The following SNTG1 variants were observed in gnomAD, a reference collection of about 807,000 sequenced individuals.
SNTG1 encodes gamma-1-syntrophin.
SNTG1 carries 39 observed loss-of-function variants against 74.7 expected under a neutral mutation model. The ratio of observed to expected loss-of-function variants is 0.52; its 90% CI spans 0.40 to 0.68. The LOEUF (loss-of-function observed/expected upper bound fraction) is 0.68, where lower values mean the gene tolerates loss of function less well. Ranked by LOEUF, SNTG1 falls within the 30% of genes least tolerant of loss-of-function variation. The probability of loss-of-function intolerance (pLI) is 0.00; values close to 1 mark genes in which losing one functional copy is unlikely to be tolerated. For missense variants in SNTG1, 685 were observed against 609.5 expected (o/e 1.12, Z -1.30); for synonymous variants, 254 against 217.1 (o/e 1.17, Z -1.49).
At chr8:50,219,973 T>A (rs770166735) in intron 2 of SNTG1, among the ~76,000 whole-genome samples, 30 of 152,068 alleles carry the variant, frequency 2.0e-4, no homozygotes, top group African/African-American at 2.4e-5. Context: ...GGGAGAACAA[T>A]CCTAAACTTA....
intron 1 of SNTG1, among the ~76,000 whole-genome samples, chr8:50,031,298 T>A (rs1817722369): frequency 6.6e-6 from 1 of 152,060 alleles, no homozygotes; most frequent in South Asian, 2.1e-4. Context: ...AGTTCTATTT[T>A]ATTTTTTCTT....
intron 2 of SNTG1, among the ~76,000 whole-genome samples, chr8:50,216,749 T>G (rs1010034850): frequency 6.6e-6 from 1 of 152,094 alleles, no homozygotes; most frequent in African/African-American, 2.4e-5. Context: ...TGAGAATTAT[T>G]TTCATAAGAA....
intron 1 of SNTG1, among the ~76,000 whole-genome samples, chr8:50,053,503 T>C (rs1819754831): frequency 6.6e-6 from 1 of 151,922 alleles, no homozygotes; most frequent in African/African-American, 2.4e-5. Context: ...TAGTGATGAT[T>C]TTGCTATCCT....
chr8:50,442,344 G>A (rs1236886102), intron 5 of SNTG1, among the ~76,000 whole-genome samples: 2 of 152,114 alleles, frequency 1.3e-5, no homozygotes, highest in East Asian at 3.9e-4. Flanking sequence ...CATTTGCACC[G>A]GTCCCTCCAC....
intron 9 of SNTG1, among the ~76,000 whole-genome samples, chr8:50,515,691 T>G (rs958020561): frequency 6.6e-6 from 1 of 152,162 alleles, no homozygotes; most frequent in Non-Finnish European, 1.5e-5. Context: ...TGCTGGGAAC[T>G]TCTAACAGGG....
chr8:50,497,040 TAAG>T (rs1281673354), intron 8 of SNTG1, among the ~76,000 whole-genome samples: 1 of 151,394 alleles, frequency 6.6e-6, no homozygotes, highest in Non-Finnish European at 1.5e-5. Context: ...CTGCATTAAT[TAAG>T]AAATGTGTAT....
intron 1 of SNTG1, among the ~76,000 whole-genome samples, chr8:50,050,487 C>T (rs1029206846): frequency 3.9e-5 from 6 of 151,964 alleles, no homozygotes; most frequent in Admixed American, 1.3e-4. Flanking sequence ...AAGCACCAGG[C>T]TAGATGTGTT....
At chr8:50,640,096 A>G (rs2095063079) in intron 13 of SNTG1, among the ~76,000 whole-genome samples, 1 of 152,200 alleles carries the variant, frequency 6.6e-6, no homozygotes, top group Non-Finnish European at 1.5e-5. Context: ...ACTTAATTAG[A>G]TACTATGGAT....
chr8:50,781,693 A>C (rs1003777991), intron 18 of SNTG1, among the ~76,000 whole-genome samples: 20 of 152,188 alleles, frequency 1.3e-4, no homozygotes, highest in African/African-American at 4.6e-4. Context: ...TGGAGCATTT[A>C]GCCCATTTAC....
intron 2 of SNTG1, among the ~76,000 whole-genome samples, chr8:50,213,425 G>A (rs1270684777): frequency 6.6e-6 from 1 of 152,042 alleles, no homozygotes; most frequent in Non-Finnish European, 1.5e-5. Context: ...GCTGTGAGGG[G>A]GATGTTTTCT....
intron 1 of SNTG1, among the ~76,000 whole-genome samples, chr8:50,157,801 T>C (rs915010807): frequency 5.9e-5 from 9 of 152,090 alleles, no homozygotes; most frequent in Non-Finnish European, 1.0e-4. Context: ...TTTCCTGTCT[T>C]GCACATTCAT....
chr8:50,636,817 T>C (rs1238612472), intron 13 of SNTG1, among the ~76,000 whole-genome samples: 1 of 152,176 alleles, frequency 6.6e-6, no homozygotes, highest in Non-Finnish European at 1.5e-5. Flanking sequence ...GGGAGGGCAA[T>C]CAATGGAAGC....
At chr8:50,042,435 C>T (rs942983746) in intron 1 of SNTG1, among the ~76,000 whole-genome samples, 4 of 152,102 alleles carry the variant, frequency 2.6e-5, no homozygotes, top group Admixed American at 1.3e-4. Context: ...GCTGGGAGCT[C>T]CTGTAGTCTC....
At chr8:49,960,865 C>T (rs979263468) in intron 1 of SNTG1, among the ~76,000 whole-genome samples, 3 of 152,078 alleles carry the variant, frequency 2.0e-5, no homozygotes, top group African/African-American at 7.2e-5. Flanking sequence ...ATAATGGCCC[C>T]TCTATTCTTG....
chr8:50,337,781 G>T (rs2130916330), intron 2 of SNTG1, among the ~76,000 whole-genome samples: 1 of 152,282 alleles, frequency 6.6e-6, no homozygotes, highest in Non-Finnish European at 1.5e-5. Flanking sequence ...CATCAACAAG[G>T]CTGTAGCATA....
chr8:50,627,740 G>A (rs555830511), intron 13 of SNTG1, among the ~76,000 whole-genome samples: 445 of 152,256 alleles, frequency 2.9e-3, no homozygotes, highest in African/African-American at 9.6e-3. Flanking sequence ...TACAAAGTCC[G>A]CAGATGAATA....
chr8:50,729,751 T>C (rs1268113477), intron 17 of SNTG1, among the ~76,000 whole-genome samples: 1 of 152,168 alleles, frequency 6.6e-6, no homozygotes. Context: ...AAGGATAAGC[T>C]GACCCACAGG....
At chr8:50,658,270 A>T (rs1381477137) in intron 14 of SNTG1, among the ~76,000 whole-genome samples, 1 of 151,840 alleles carries the variant, frequency 6.6e-6, no homozygotes, top group Non-Finnish European at 1.5e-5. Flanking sequence ...TAAAAAAAAA[A>T]TATGAGTGTG....
At chr8:50,127,971 T>TA (rs564101492) in intron 1 of SNTG1, among the ~76,000 whole-genome samples, 1 of 152,120 alleles carries the variant, frequency 6.6e-6, no homozygotes, top group South Asian at 2.1e-4. Flanking sequence ...TGTATATCGT[T>TA]ATCATGCAAA....
Sources: gnomAD v4.1 joint callset for allele counts (sites outside exome capture counted in the v4.1 genomes callset) on GRCh38, gnomAD v4.1.1 for gene constraint, MANE v1.5 for transcripts, NCBI Gene and HGNC (gene_info 2026-07-23, HGNC 2026-07-21) for gene names.